Variants in FOXP1 observed in about 807,000 individuals in gnomAD.
FOXP1 encodes the protein forkhead box protein P1.
FOXP1 carries 15 observed loss-of-function variants against 98.2 expected under a neutral mutation model. The ratio of observed to expected loss-of-function variants is 0.15; its 90% CI spans 0.10 to 0.24. FOXP1 has a LOEUF of 0.24. Ranked by LOEUF, FOXP1 falls within the 10% of genes least tolerant of loss-of-function variation. The probability of loss-of-function intolerance (pLI) is 1.00; values close to 1 mark genes in which losing one functional copy is unlikely to be tolerated. For missense variants in FOXP1, 633 were observed against 848.5 expected (o/e 0.75, Z 3.15); for synonymous variants, 371 against 314.5 (o/e 1.18, Z -1.90).
intron 6 of FOXP1, among the ~76,000 whole-genome samples, chr3:71,186,668 G>A (rs2062665869): frequency 6.6e-6 from 1 of 152,130 alleles, no homozygotes. Context: ...CTGAGACAGG[G>A]CCACTGTACT....
intron 3 of FOXP1, among the ~76,000 whole-genome samples, chr3:71,371,838 C>A (rs1045682960): frequency 6.6e-6 from 1 of 152,078 alleles, no homozygotes; most frequent in African/African-American, 2.4e-5. Context: ...TCTCCCACAC[C>A]ATCCTCACTC....
intron 3 of FOXP1, among the ~76,000 whole-genome samples, chr3:71,439,633 A>C (rs1296300244): frequency 1.3e-5 from 2 of 152,164 alleles, no homozygotes; most frequent in Admixed American, 6.5e-5. Flanking sequence ...ATTCAACAGA[A>C]TATTATTCAG....
At chr3:71,219,637 G>A (rs2065205133) in intron 5 of FOXP1, among the ~76,000 whole-genome samples, 2 of 152,154 alleles carry the variant, frequency 1.3e-5, no homozygotes, top group African/African-American at 4.8e-5. Context: ...TGAAAAATGT[G>A]TCTTTCATAT....
Position 70,979,315 on chromosome 3 carries a change from A to G in FOXP1, c.1147-1286T>C, listed in dbSNP as rs1178895779. Among the ~76,000 whole-genome samples the G allele has an allele frequency of 3.7e-3, 525 of 143,482 alleles. 16 individuals carry two copies. Among genetic ancestry groups the G allele is most frequent in the Admixed American group, 5.3e-3 (74 of 14,008 alleles). 94.1% of individuals were successfully genotyped at this position (143,482 alleles called of 152,430 possible). A position where few individuals can be genotyped will look rare whatever the true frequency, so the allele number is the denominator to read the frequency against. On this transcript the variant is annotated intron_variant, in intron 14 of 20. Transcript: ENST00000649528. ...AAAAAAAAAAAAAAAAAAAAAAAAA[A>G]AAAAAGAAAAAAATAAATTAATGAG...
intron 3 of FOXP1, among the ~76,000 whole-genome samples, chr3:71,490,152 GCA>G (rs1423571507): frequency 1.3e-5 from 2 of 152,156 alleles, no homozygotes; most frequent in African/African-American, 4.8e-5. Context: ...AGTCACTGCA[GCA>G]CAGAGGAAGA....
At chr3:71,334,311 G>C (rs966174371) in intron 4 of FOXP1, 2 of 152,170 alleles carry the variant, frequency 1.3e-5, no homozygotes, top group African/African-American at 4.8e-5. Context: ...AGGAGGCTGA[G>C]GCATGAGAAT....
Position 71,047,230 on chromosome 3 carries a change from G to A in FOXP1, c.511-135C>T. On this transcript the variant is annotated intron_variant, in intron 9 of 20. Transcript: ENST00000649528. ...AGCTCAGTGGAGGGCTCCGTGTCAA[G>A]GTTTAAAAGGGACAAAGCATACCTC... 4.1e-6 allele frequency: 4 copies of A among 984,320 alleles called. No individual in the cohort carries two copies. The South Asian group carries it at 5.3e-5, about 13-fold the overall frequency. 61.0% of individuals were successfully genotyped at this position (984,320 alleles called of 1,614,324 possible).
chr3:71,502,846 C>G (rs2041499144), intron 2 of FOXP1, among the ~76,000 whole-genome samples: 1 of 152,068 alleles, frequency 6.6e-6, no homozygotes, highest in Non-Finnish European at 1.5e-5. Context: ...ATGTAACCGG[C>G]ATACATAACA....
intron 6 of FOXP1, among the ~76,000 whole-genome samples, chr3:71,186,135 C>T (rs1016762390): frequency 2.0e-5 from 3 of 152,230 alleles, no homozygotes; most frequent in Non-Finnish European, 2.9e-5. Context: ...CTCTAGCCAA[C>T]TATAGGACTA....
At chr3:71,396,971 T>TATATATATACACAC (rs2081459864) in intron 3 of FOXP1, among the ~76,000 whole-genome samples, 3 of 18,544 alleles carry the variant, frequency 1.6e-4, no homozygotes, top group African/African-American at 6.2e-4. Context: ...TATGTGTGTA[T>TATATATATACACAC]ATATATATAT....
chr3:71,493,288 G>T (rs1180796553), intron 3 of FOXP1, 138 bp downstream of exon 3: 1 of 152,162 alleles, frequency 6.6e-6, no homozygotes. Context: ...TATCTGAAAA[G>T]ATTACACCAG....
chr3:71,328,371 T>C (rs2076051228), intron 4 of FOXP1, among the ~76,000 whole-genome samples: 1 of 152,224 alleles, frequency 6.6e-6, no homozygotes, highest in Non-Finnish European at 1.5e-5. Flanking sequence ...TCTTATTTGG[T>C]ACAATGAGGG....
chr3:71,412,775 T>C (rs1340817180), intron 3 of FOXP1, among the ~76,000 whole-genome samples: 46 of 152,286 alleles, frequency 3.0e-4, no homozygotes, highest in Non-Finnish European at 7.4e-5. Flanking sequence ...ACCTCCTCCC[T>C]GGGAACCCAG....
At chr3:71,356,579 A>C (rs979770434) in intron 4 of FOXP1, among the ~76,000 whole-genome samples, 10 of 152,222 alleles carry the variant, frequency 6.6e-5, no homozygotes, top group African/African-American at 2.4e-4. Flanking sequence ...TAAGCTCTTT[A>C]CAAGCATCAC....
chr3:71,361,263 T>A (rs550847294), intron 3 of FOXP1, among the ~76,000 whole-genome samples: 19 of 152,264 alleles, frequency 1.2e-4, no homozygotes, highest in Non-Finnish European at 2.4e-4. Context: ...AGCAACGAGA[T>A]AATGAAGTTA....
At position 70,959,395 on chromosome 3, in the gene FOXP1, G is replaced by GA; in HGVS notation, c.1890-5dup. 1.2e-6 allele frequency: 2 copies of GA among 1,613,876 alleles called. No homozygotes were observed. The highest frequency in any genetic ancestry group is 1.7e-6 in the Non-Finnish European group (2 of 1,179,944). ...TTCTTTGACGTGTACAGGATGCCTG[G>GA]AAAAAATATGCAGAGGTTCAGTGAG... On this transcript the variant is annotated splice_region_variant and splice_polypyrimidine_tract_variant and intron_variant, in intron 20 of 20. Coordinates refer to ENST00000649528, the MANE Select transcript of FOXP1 (RefSeq NM_001349338.3).
chr3:71,066,850 G>A (rs1022702362), intron 7 of FOXP1, among the ~76,000 whole-genome samples: 2 of 152,206 alleles, frequency 1.3e-5, no homozygotes, highest in Non-Finnish European at 2.9e-5. Context: ...GTGTTTATCA[G>A]CTAATAGTCT....
At chr3:71,408,413 C>T (rs1379867022) in intron 3 of FOXP1, among the ~76,000 whole-genome samples, 3 of 152,156 alleles carry the variant, frequency 2.0e-5, no homozygotes, top group African/African-American at 4.8e-5. Flanking sequence ...TAATCAGGCT[C>T]GCACACAGCC....
intron 17 of FOXP1, among the ~76,000 whole-genome samples, chr3:70,974,973 AAAAG>A (rs1436091654): frequency 2.0e-5 from 3 of 152,250 alleles, no homozygotes; most frequent in African/African-American, 7.2e-5. Flanking sequence ...GTTTTCAAAA[AAAAG>A]ATGTGTAAGC....
Sources: gnomAD v4.1 joint callset for allele counts (sites outside exome capture counted in the v4.1 genomes callset) on GRCh38, gnomAD v4.1.1 for gene constraint, MANE v1.5 for transcripts, NCBI Gene and HGNC (gene_info 2026-07-23, HGNC 2026-07-21) for gene names.